The following NIN variants were observed in gnomAD, a reference collection of about 807,000 sequenced individuals.
NIN encodes glycogen synthase kinase 3 beta-interacting protein.
A neutral mutation model predicts 257.6 loss-of-function variants in NIN; 137 were observed. That is an observed-to-expected ratio of 0.53 (90% CI 0.46 to 0.61). The LOEUF (loss-of-function observed/expected upper bound fraction) is 0.61, where lower values mean the gene tolerates loss of function less well. NIN is among the 20% of genes least tolerant of loss of function. The pLI is 0.00. For missense variants in NIN, 2,439 were observed against 2,501.2 expected (o/e 0.98, Z 0.53); for synonymous variants, 918 against 919.8 (o/e 1.00, Z 0.04).
chr14:50,723,645 T>C lies in NIN; in HGVS notation c.6220A>G (p.Met2074Val), dbSNP rs772297415. Residue 2074 changes from methionine to valine, a missense_variant, in exon 31 of 31, where the codon ATG (methionine) becomes GTG (valine). By Grantham distance (21) the Met-to-Val change is conservative. Around this residue, in one of 3 missense-constraint regions of NIN, gnomAD observed 2,043 missense variants for 2,050.2 expected, o/e 1.00. Transcript: ENST00000530997. Reference protein sequence around the residue: ...QLCKNTKADAMVKDLYVENAQ... With the variant: ...QLCKNTKADAVVKDLYVENAQ... Reference sequence around the variant, plus strand: ...TTTTCAACATACAAGTCCTTCACCATTGCGTCTGCCTTAGTGTTCTTGCAG... The same window carrying C: ...TTTTCAACATACAAGTCCTTCACCACTGCGTCTGCCTTAGTGTTCTTGCAG... 2.5e-6 allele frequency: 4 copies of C among 1,613,858 alleles called. No homozygotes were observed. Among genetic ancestry groups the C allele is most frequent in the Admixed American group, 1.7e-5 (1 of 60,004 alleles).
At chr14:50,749,534 CATCT>C (rs1415478430) in intron 21 of NIN, among the ~76,000 whole-genome samples, 2 of 152,172 alleles carry the variant, frequency 1.3e-5, no homozygotes, top group Admixed American at 6.5e-5. Context: ...TTAATTTTAA[CATCT>C]ATCAGTGCAT....
intron 30 of NIN, 171 bp from the exon 31 acceptor site, chr14:50,723,843 AT>A: frequency 3.4e-6 from 2 of 595,546 alleles, no homozygotes; most frequent in Non-Finnish European, 5.9e-6. Context: ...CAGGGACACC[AT>A]TGGAACAAAT....
Position 50,720,876 on chromosome 14 carries a change from G to A in NIN, c.*2587C>T, listed in dbSNP as rs865802083. The A allele has an allele frequency of 1.0e-5, 2 of 198,720 alleles. No individual in the cohort carries two copies. The allele number at this position is 198,720 out of a possible 1,614,324, so 12.3% of individuals were successfully genotyped here. A position where few individuals can be genotyped will look rare whatever the true frequency, so the allele number is the denominator to read the frequency against. Reference sequence around the variant, plus strand: ...AAACGAAGATCCCATCTTCTGAGACGATCTTAAATAATTGTTCTTAAATCA... The same window carrying A: ...AAACGAAGATCCCATCTTCTGAGACAATCTTAAATAATTGTTCTTAAATCA... On this transcript the variant is annotated 3_prime_UTR_variant, in exon 31 of 31. Coordinates refer to ENST00000530997, the MANE Select transcript of NIN (RefSeq NM_020921.4).
intron 5 of NIN, among the ~76,000 whole-genome samples, chr14:50,791,807 GCACACACACACA>G (rs373370758): frequency 8.6e-6 from 1 of 116,702 alleles, no homozygotes; most frequent in African/African-American, 4.3e-5. Flanking sequence ...AGGTGCACGC[GCACACACACACA>G]CACACACACA....
At chr14:50,829,333 C>T (rs1017540062) in intron 2 of NIN, among the ~76,000 whole-genome samples, 1 of 152,168 alleles carries the variant, frequency 6.6e-6, no homozygotes, top group Non-Finnish European at 1.5e-5. Flanking sequence ...ATATGCTCAC[C>T]ACGAGAGAAG....
intron 5 of NIN, among the ~76,000 whole-genome samples, chr14:50,785,406 G>A (rs1349557048): frequency 6.6e-6 from 1 of 152,258 alleles, no homozygotes; most frequent in Non-Finnish European, 1.5e-5. Context: ...CAGACACCGG[G>A]GCATTCTTAC....
At chr14:50,768,585 G>A (rs867193035) in intron 12 of NIN, among the ~76,000 whole-genome samples, 3 of 152,144 alleles carry the variant, frequency 2.0e-5, no homozygotes, top group Middle Eastern at 3.2e-3. Context: ...TCTGAGGCAC[G>A]GGGAGAGCTG....
intron 2 of NIN, among the ~76,000 whole-genome samples, chr14:50,822,434 T>A (rs2045268911): frequency 6.6e-6 from 1 of 152,212 alleles, no homozygotes; most frequent in African/African-American, 2.4e-5. Flanking sequence ...CTCTCCCAGC[T>A]CTTCTAGCCC....
rs2042372050 is a variant in NIN at position 50,763,865 on chromosome 14, C to T, written c.1735G>A (p.Glu579Lys). The T allele has an allele frequency of 6.2e-7, 1 of 1,613,998 alleles. No individual in the cohort carries two copies. Among genetic ancestry groups the T allele is most frequent in the East Asian group, 2.2e-5 (1 of 44,878 alleles). The change falls in exon 15 of 31, where the codon GAA (glutamate) becomes AAA (lysine). Residue 579 changes from glutamate to lysine, a missense_variant. Physicochemically the swap from Glu to Lys is moderately conservative, Grantham distance 56. Around this residue, in one of 3 missense-constraint regions of NIN, gnomAD observed 2,043 missense variants for 2,050.2 expected, o/e 1.00. Transcript: ENST00000530997. ...ATGCCACCGCTGTTAGCCTCAACTT[C>T]TTCTGACGGTGAGTTCTTCAACGGA... ...RLPLKNSPSE[E>K]VEANSGGIEP...
At chr14:50,763,253 G>T (rs1166623896) in intron 15 of NIN, among the ~76,000 whole-genome samples, 1 of 151,712 alleles carries the variant, frequency 6.6e-6, no homozygotes, top group Non-Finnish European at 1.5e-5. Flanking sequence ...GAGGAAAGGA[G>T]CTCATAGTTA....
At chr14:50,744,457 GCTATT>G (rs2041445977) in intron 22 of NIN, 92 bp from the exon 23 acceptor site, 5 of 1,323,094 alleles carry the variant, frequency 3.8e-6, no homozygotes, top group African/African-American at 2.9e-5. Context: ...CACAGCTGCT[GCTATT>G]TGCCTATCTG....
At chr14:50,738,098 A>G in intron 27 of NIN, 42 bp downstream of exon 27, 1 of 1,601,000 alleles carries the variant, frequency 6.2e-7, no homozygotes, top group East Asian at 2.2e-5. Context: ...AACGCATTAT[A>G]GTGAGAACAC....
intron 4 of NIN, among the ~76,000 whole-genome samples, chr14:50,800,007 T>TACACACACACACACAC (rs71118902): frequency 5.9e-4 from 88 of 148,250 alleles, no homozygotes; most frequent in East Asian, 1.8e-3. Flanking sequence ...TATATACACA[T>TACACACACACACACAC]ACACACACAC....
chr14:50,758,357 G>A lies in NIN; in HGVS notation c.2673C>T (p.Thr891=). 6.2e-7 allele frequency: 1 copy of A among 1,614,172 alleles called. No homozygotes were observed. Among genetic ancestry groups the A allele is most frequent in the Non-Finnish European group, 8.5e-7 (1 of 1,180,020 alleles). Residue 891 remains threonine, a synonymous_variant, in exon 18 of 31, where the codon ACC becomes ACT. Coordinates refer to ENST00000530997, the MANE Select transcript of NIN (RefSeq NM_020921.4). ...KREKTTSLVL[T]QEREMLEKTY... The stretch of plus-strand genomic sequence containing the variant: ...TTTTCTCCAGCATCTCTCTCTCCTG[G>A]GTCAGGACCAGAGAAGTTGTTTTCT...
Position 50,729,673 on chromosome 14 carries a change from C to T in NIN, c.5928G>A (p.Trp1976Ter). ...TATPSPSPHAWDLQLLQQQAC... is the reference protein window; with the variant it reads ...TATPSPSPHA ...CTTGCTGCTGGAGCAGCTGCAAATC[C>T]CAAGCATGAGGGGACGGGCTAGGCG... is the stretch of plus-strand genomic sequence containing the variant. Residue 1976 changes from tryptophan (W) to a stop codon, truncating the protein, a stop_gained, in exon 29 of 31, where the codon TGG becomes TGA. Transcript: ENST00000530997. LOFTEE classifies it high-confidence loss of function. 6.2e-7 allele frequency: 1 copy of T among 1,613,542 alleles called. No homozygotes were observed. The highest frequency in any genetic ancestry group is 8.5e-7 in the Non-Finnish European group (1 of 1,179,806).
intron 12 of NIN, among the ~76,000 whole-genome samples, chr14:50,768,238 T>C (rs1385957111): frequency 1.3e-5 from 2 of 151,564 alleles, no homozygotes; most frequent in African/African-American, 4.9e-5. Context: ...TACAGCAATA[T>C]AAGTAAAAAA....
intron 21 of NIN, 86 bp from the exon 22 acceptor site, chr14:50,748,191 G>T: frequency 5.0e-6 from 4 of 802,378 alleles, no homozygotes. Context: ...CCATATTAAG[G>T]AAACAGTAAT....
chr14:50,820,984 C>A (rs1432979518), intron 3 of NIN, among the ~76,000 whole-genome samples: 3 of 152,118 alleles, frequency 2.0e-5, no homozygotes, highest in East Asian at 1.9e-4. Flanking sequence ...TAAAGTTAAG[C>A]CTCACAACTG....
At chr14:50,730,937 T>G in intron 28 of NIN, 1 of 1,347,780 alleles carries the variant, frequency 7.4e-7, no homozygotes, top group Non-Finnish European at 9.8e-7. Context: ...ACACACTATC[T>G]CAGGCAGAGA....
Sources: allele counts gnomAD v4.1 joint callset (sites outside exome capture counted in the v4.1 genomes callset), GRCh38; gene constraint gnomAD v4.1.1; regional missense constraint gnomAD v4.1.1; transcripts MANE v1.5; gene names NCBI Gene and HGNC (gene_info 2026-07-23, HGNC 2026-07-21).